Variants in CDH18 observed in about 807,000 individuals in gnomAD.
The protein encoded by CDH18 is cadherin 18.
In CDH18, 31 loss-of-function variants were observed where a neutral mutation model predicts 67.9. That is an observed-to-expected ratio of 0.46 (90% confidence interval 0.34 to 0.62). CDH18 has a LOEUF of 0.62. Ranked by LOEUF, CDH18 falls within the 20% of genes least tolerant of loss-of-function variation. The probability of loss-of-function intolerance (pLI) is 0.01; values close to 1 mark genes in which losing one functional copy is unlikely to be tolerated. For synonymous variants in CDH18, 362 were observed against 347.2 expected (o/e 1.04, Z -0.48); for missense variants, 890 against 975.5 (o/e 0.91, Z 1.17).
chr5:20,479,224 T>C (rs1205809032), intron 1 of CDH18, among the ~76,000 whole-genome samples: 1 of 152,058 alleles, frequency 6.6e-6, no homozygotes, highest in Non-Finnish European at 1.5e-5. Context: ...CAAACATCCA[T>C]GTGCATCAAG....
At position 19,508,060 on chromosome 5, in the gene CDH18, A is replaced by AG. The variant is rs985771613; in HGVS notation, c.1513-4952_1513-4951insC. 4.0e-5 allele frequency among the ~76,000 whole-genome samples: 6 copies of AG among 151,774 alleles called. 1 individual carries two copies. The highest frequency in any genetic ancestry group is 1.5e-4 in the African/African-American group (6 of 41,348). On this transcript the variant is annotated intron_variant, in intron 10 of 12. Transcript: ENST00000382275. Reference sequence around the variant, plus strand: ...ATTTTTATTAATCGTATTTCTGAAAAAAAAAAAAGCTTCCAAAAACGAGAA... The same window carrying AG: ...ATTTTTATTAATCGTATTTCTGAAAAGAAAAAAAAGCTTCCAAAAACGAGAA...
chr5:19,785,482 G>A (rs1176065200), intron 3 of CDH18, among the ~76,000 whole-genome samples: 7 of 149,552 alleles, frequency 4.7e-5, no homozygotes, highest in African/African-American at 1.5e-4. Flanking sequence ...GAGAAACCCC[G>A]TCTCTACTAA....
chr5:20,423,803 C>T (rs991102814), intron 1 of CDH18, among the ~76,000 whole-genome samples: 1 of 149,948 alleles, frequency 6.7e-6, no homozygotes, highest in East Asian at 2.0e-4. Flanking sequence ...AAAAATTAGC[C>T]GGGCGTGGTG....
intron 2 of CDH18, among the ~76,000 whole-genome samples, chr5:20,253,795 G>A (rs1269309747): frequency 6.6e-6 from 1 of 152,128 alleles, no homozygotes; most frequent in Non-Finnish European, 1.5e-5. Flanking sequence ...GAGAGTGAAG[G>A]GGAGAGAATA....
intron 2 of CDH18, among the ~76,000 whole-genome samples, chr5:20,161,788 A>G (rs1303689618): frequency 6.6e-6 from 1 of 152,120 alleles, no homozygotes; most frequent in African/African-American, 2.4e-5. Context: ...AGGCATGCAG[A>G]TTTATTCAGG....
intron 3 of CDH18, among the ~76,000 whole-genome samples, chr5:19,767,014 A>G (rs908309227): frequency 6.6e-6 from 1 of 151,808 alleles, no homozygotes; most frequent in African/African-American, 2.4e-5. Flanking sequence ...TTTAATAAAT[A>G]TTATTAAAAA....
At chr5:20,266,081 C>A (rs1186857999) in intron 1 of CDH18, among the ~76,000 whole-genome samples, 2 of 152,156 alleles carry the variant, frequency 1.3e-5, no homozygotes, top group Non-Finnish European at 2.9e-5. Flanking sequence ...TGACTTACAC[C>A]ATTATCTCCC....
chr5:20,180,346 T>C (rs973645782), intron 2 of CDH18, among the ~76,000 whole-genome samples: 3 of 152,166 alleles, frequency 2.0e-5, no homozygotes, highest in African/African-American at 7.2e-5. Context: ...CTTCTGAGAA[T>C]TTCTAGTCTA....
chr5:19,757,808 C>T (rs112544614), intron 3 of CDH18, among the ~76,000 whole-genome samples: 5 of 152,318 alleles, frequency 3.3e-5, no homozygotes, highest in African/African-American at 1.2e-4. Context: ...CACATCTGGC[C>T]ATTACTCCTT....
chr5:19,881,713 C>T lies in CDH18; in HGVS notation c.-256-42471G>A, dbSNP rs368188024. On this transcript the variant is annotated intron_variant, in intron 2 of 12. Transcript: ENST00000382275. ...TAGAAACAGGGTTTCACCATGTTGGCCAGACTGGTCTCGTACTCTTGACCT... is the reference window on the plus strand; with the variant it reads ...TAGAAACAGGGTTTCACCATGTTGGTCAGACTGGTCTCGTACTCTTGACCT... 8.5e-5 allele frequency among the ~76,000 whole-genome samples: 13 copies of T among 152,052 alleles called. No homozygotes were observed. The East Asian group carries it at 1.4e-3, about 16-fold the overall frequency.
intron 1 of CDH18, among the ~76,000 whole-genome samples, chr5:20,525,871 CT>C: frequency 6.6e-6 from 1 of 152,116 alleles, no homozygotes; most frequent in South Asian, 2.1e-4. Context: ...ATCCACTCAT[CT>C]TTAGCAATAT....
At chr5:20,311,502 G>A (rs562738154) in intron 1 of CDH18, among the ~76,000 whole-genome samples, 125 of 152,238 alleles carry the variant, frequency 8.2e-4, no homozygotes, top group African/African-American at 2.6e-3. Context: ...GCAGGGACAT[G>A]GATGAAGGTG....
intron 3 of CDH18, among the ~76,000 whole-genome samples, chr5:19,801,989 A>T (rs2149852130): frequency 6.6e-6 from 1 of 152,346 alleles, no homozygotes; most frequent in East Asian, 1.9e-4. Flanking sequence ...CAATTTAATT[A>T]AATGGAACAC....
chr5:19,743,153 A>G (rs1266700442), intron 4 of CDH18, among the ~76,000 whole-genome samples: 1 of 152,180 alleles, frequency 6.6e-6, no homozygotes, highest in Non-Finnish European at 1.5e-5. Flanking sequence ...ACAGAAGGGA[A>G]GCCTGGATAG....
intron 2 of CDH18, among the ~76,000 whole-genome samples, chr5:20,188,827 T>G (rs1238131300): frequency 7.5e-6 from 1 of 132,684 alleles, no homozygotes; most frequent in Non-Finnish European, 1.6e-5. Context: ...AAAAAAAAAG[T>G]CCCTTAACTT....
At chr5:20,207,752 T>C (rs1740023513) in intron 2 of CDH18, among the ~76,000 whole-genome samples, 1 of 152,072 alleles carries the variant, frequency 6.6e-6, no homozygotes, top group Admixed American at 6.6e-5. Flanking sequence ...AGCCAAACCA[T>C]ATCAATACCT....
chr5:20,477,766 T>C (rs568309888), intron 1 of CDH18, among the ~76,000 whole-genome samples: 1 of 152,302 alleles, frequency 6.6e-6, no homozygotes, highest in Non-Finnish European at 1.5e-5. Context: ...GCCAGTGAAC[T>C]TGGGGTGCAT....
chr5:20,195,816 T>A (rs1194811073), intron 2 of CDH18, among the ~76,000 whole-genome samples: 1 of 152,158 alleles, frequency 6.6e-6, no homozygotes, highest in Non-Finnish European at 1.5e-5. Context: ...ATTTAATTTG[T>A]AATTTATCAT....
intron 1 of CDH18, among the ~76,000 whole-genome samples, chr5:20,311,461 A>G (rs577401382): frequency 4.2e-4 from 64 of 152,144 alleles, no homozygotes; most frequent in Admixed American, 2.4e-3. Flanking sequence ...AATACTATGC[A>G]GCCATAAAAA....
Sources: allele counts gnomAD v4.1 joint callset (sites outside exome capture counted in the v4.1 genomes callset), GRCh38; gene constraint gnomAD v4.1.1; transcripts MANE v1.5; gene names NCBI Gene and HGNC (gene_info 2026-07-23, HGNC 2026-07-21).